Variants in LCT observed in about 807,000 individuals in gnomAD.
LCT encodes lactase.
LCT carries 90 observed loss-of-function variants against 173.0 expected under a neutral mutation model. That is an observed-to-expected ratio of 0.52 (90% CI 0.44 to 0.62). LCT has a LOEUF of 0.62. Ranked by LOEUF, LCT falls within the 20% of genes least tolerant of loss-of-function variation. The pLI, the probability that LCT is intolerant of heterozygous loss-of-function variation, is 0.00. For missense variants in LCT, 1,864 were observed against 2,431.4 expected (o/e 0.77, Z 4.91); for synonymous variants, 853 against 957.6 (o/e 0.89, Z 2.02).
At chr2:135,816,353 A>G (rs898141369) in intron 6 of LCT, among the ~76,000 whole-genome samples, 5 of 152,274 alleles carry the variant, frequency 3.3e-5, no homozygotes, top group African/African-American at 1.2e-4. Context: ...CAATGAGTTC[A>G]GGGTGGGTAT....
Position 135,814,696 on chromosome 2 carries a change from T to C in LCT, c.1708-1740A>G, listed in dbSNP as rs369134731. 5.9e-5 allele frequency among the ~76,000 whole-genome samples: 9 copies of C among 152,106 alleles called. No homozygotes were observed. In the East Asian group the frequency reaches 1.2e-3, roughly 20 times the overall value. ...CATGCCTGGCTAATTTTTGTATTTT[T>C]AGTAGAGACAGGGTTTCACTATGTT... is the stretch of plus-strand genomic sequence containing the variant. On this transcript the variant is annotated intron_variant, in intron 6 of 16. Coordinates refer to ENST00000264162, the MANE Select transcript of LCT (RefSeq NM_002299.4).
At position 135,831,439 on chromosome 2, in the gene LCT, C is replaced by T. The variant is rs138381871; in HGVS notation, c.720+1672G>A. On this transcript the variant is annotated intron_variant, in intron 2 of 16. Transcript: ENST00000264162. ...CACTGGAGGGTCCTGTGGGATTCGT[C>T]CCACTCGGAAGTGTGGCTTCCCAGC... 9.5e-3 allele frequency among the ~76,000 whole-genome samples: 1,442 copies of T among 152,214 alleles called. 21 individuals carry two copies. The highest frequency in any genetic ancestry group is 0.058 in the Middle Eastern group (17 of 294).
At chr2:135,824,992 CAAA>C (rs5834449) in intron 3 of LCT, among the ~76,000 whole-genome samples, 14 of 110,152 alleles carry the variant, frequency 1.3e-4, no homozygotes, top group Admixed American at 1.8e-4. Flanking sequence ...GGCTCCATCT[CAAA>C]AAAAAAAAAA....
At chr2:135,827,576 G>T (rs1004750802) in intron 3 of LCT, among the ~76,000 whole-genome samples, 3 of 152,060 alleles carry the variant, frequency 2.0e-5, no homozygotes, top group African/African-American at 7.2e-5. Flanking sequence ...AGGTAGGGGG[G>T]ATGATGGGGA....
At position 135,836,899 on chromosome 2, in the gene LCT, G is replaced by C; in HGVS notation, c.271C>G (p.Leu91Val). Residue 91 changes from leucine to valine, a missense_variant, in exon 1 of 17, where the codon CTG (leucine) becomes GTG (valine). By Grantham distance (32) the Leu-to-Val change is conservative. This residue lies in a region of LCT where 412 missense variants were observed against 462.0 expected (regional missense o/e 0.89). Coordinates refer to ENST00000264162, the MANE Select transcript of LCT (RefSeq NM_002299.4). ...ASQITHYKVF[L>V]SWAQLLPAGS... Reference sequence around the variant, plus strand: ...GCTGGGAGGAGCTGTGCCCATGACAGAAATACCTTATAATGGGTGATCTGA... The same window carrying C: ...GCTGGGAGGAGCTGTGCCCATGACACAAATACCTTATAATGGGTGATCTGA... 6.2e-7 allele frequency: 1 copy of C among 1,614,204 alleles called. No individual in the cohort carries two copies. The highest frequency in any genetic ancestry group is 8.5e-7 in the Non-Finnish European group (1 of 1,180,030).
At chr2:135,803,870 C>T (rs2077647037) in intron 11 of LCT, 60 bp downstream of exon 11, 1 of 1,494,944 alleles carries the variant, frequency 6.7e-7, no homozygotes, top group Non-Finnish European at 9.2e-7. Context: ...TGGATTTCAA[C>T]TCTTGATGTG....
At chr2:135,817,250 C>T (rs1303867067) in intron 6 of LCT, 91 bp downstream of exon 6, 6 of 1,442,886 alleles carry the variant, frequency 4.2e-6, no homozygotes, top group African/African-American at 1.4e-5. Context: ...AAAGTAAAGG[C>T]TTGCTGATGG....
Position 135,808,491 on chromosome 2 carries a change from T to C in LCT, c.3856A>G (p.Thr1286Ala), listed in dbSNP as rs1360050756. The C allele has an allele frequency of 6.2e-7, 1 of 1,614,104 alleles. No individual in the cohort carries two copies. Among genetic ancestry groups the C allele is most frequent in the African/African-American group, 1.3e-5 (1 of 74,958 alleles). Residue 1286 changes from threonine (T) to alanine (A), a missense_variant, in exon 8 of 17, where the codon ACT (threonine) becomes GCT (alanine). Physicochemically the swap from Thr to Ala is moderately conservative, Grantham distance 58 (BLOSUM62 0). Coordinates refer to ENST00000264162, the MANE Select transcript of LCT (RefSeq NM_002299.4). ...GTTTTGTGGTAAAATATCCTATCAG[T>C]ATCCTCCGTGTTCGGATTGGTCAGC... is the stretch of plus-strand genomic sequence containing the variant. ...VGLTNPNTED[T>A]DRIFYHKTYI...
intron 11 of LCT, among the ~76,000 whole-genome samples, chr2:135,801,164 C>T (rs934501657): frequency 3.9e-5 from 6 of 152,032 alleles, no homozygotes; most frequent in South Asian, 2.1e-4. Flanking sequence ...GTGGCTCGTA[C>T]GTCTCAGGCA....
At chr2:135,831,445 C>T (rs187608342) in intron 2 of LCT, among the ~76,000 whole-genome samples, 186 of 152,172 alleles carry the variant, frequency 1.2e-3, no homozygotes, top group African/African-American at 4.0e-3. Flanking sequence ...TCGTCCCACT[C>T]GGAAGTGTGG....
At position 135,807,079 on chromosome 2, in the gene LCT, A is replaced by G. The variant is rs1243971335; in HGVS notation, c.4173+49T>C. 2.5e-6 allele frequency: 4 copies of G among 1,599,878 alleles called. No individual in the cohort carries two copies. In the Admixed American group the frequency reaches 6.7e-5, roughly 27 times the overall value. On this transcript the variant is annotated intron_variant, in intron 9 of 16. Transcript: ENST00000264162. ...CCCAGCACTGAGCCCAGAGCCTGGC[A>G]CAGGGCAGGTGTGCAGTCACTGGTG...
intron 1 of LCT, 52 bp downstream of exon 1, chr2:135,836,477 AG>A: frequency 6.6e-7 from 1 of 1,517,754 alleles, no homozygotes; most frequent in Non-Finnish European, 9.2e-7. Flanking sequence ...AGGATGGGGA[AG>A]GTGTGTGATG....
intron 6 of LCT, 41 bp downstream of exon 6, chr2:135,817,300 T>C (rs914883898): frequency 3.1e-6 from 5 of 1,601,184 alleles, no homozygotes; most frequent in Non-Finnish European, 4.3e-6. Context: ...GCCAATGTCC[T>C]TTCTCCTCCA....
intron 11 of LCT, 61 bp from the exon 12 acceptor site, chr2:135,800,870 T>C: frequency 3.8e-6 from 5 of 1,329,930 alleles, no homozygotes; most frequent in Non-Finnish European, 5.4e-6. Context: ...CTGAGATTGT[T>C]AGTCCCTGCC....
Position 135,818,078 on chromosome 2 carries a change from A to T in LCT, c.987-17T>A, listed in dbSNP as rs771104223. 6.2e-7 allele frequency: 1 copy of T among 1,612,950 alleles called. No individual in the cohort carries two copies. Among genetic ancestry groups the T allele is most frequent in the Non-Finnish European group, 8.5e-7 (1 of 1,180,010 alleles). On this transcript the variant is annotated splice_polypyrimidine_tract_variant and intron_variant, in intron 5 of 16. Coordinates refer to ENST00000264162, the MANE Select transcript of LCT (RefSeq NM_002299.4). ...CAAGACATGCTGCAGGATTGAAGGG[A>T]CAAAAAGGGACATAATAATGAATGA...
At position 135,787,999 on chromosome 2, in the gene LCT, C is replaced by G. The variant is rs62170085; in HGVS notation, c.*325G>C. 5,702 of 364,086 alleles carry G rather than the reference C, an allele frequency of 0.016. 79 individuals are homozygous for G. Among genetic ancestry groups the G allele is most frequent in the South Asian group, 0.031 (1,174 of 38,414 alleles). The allele number at this position is 364,086 out of a possible 1,614,324, so 22.6% of individuals were successfully genotyped here. ...TTACGGTTTTTGCTCCCTTAACAAC[C>G]CTTAACAACTCTGAAACTTAAAACA... is the stretch of plus-strand genomic sequence containing the variant. On this transcript the variant is annotated 3_prime_UTR_variant, in exon 17 of 17. Coordinates refer to ENST00000264162, the MANE Select transcript of LCT (RefSeq NM_002299.4).
In LCT at chr2:135,809,648, T is replaced by G; in HGVS notation, c.2699A>C (p.His900Pro). Residue 900 changes from histidine (H) to proline (P), a missense_variant, in exon 8 of 17, where the codon CAC becomes CCC. By Grantham distance (77) the His-to-Pro change is moderately conservative (BLOSUM62 -2). This residue lies in a region of LCT where 755 missense variants were observed against 926.3 expected (regional missense o/e 0.82). Coordinates refer to ENST00000264162, the MANE Select transcript of LCT (RefSeq NM_002299.4). The surrounding 1 kb of genome is among the most constrained non-coding windows in gnomAD (Gnocchi z 5.5). The stretch of plus-strand genomic sequence containing the variant: ...CAGAAAGTCATCCCGAAACGTCCCG[T>G]GGTAGAACAAATCTCTTTCGAACTT... Reference protein sequence around the residue: ...QPKFERDLFYHGTFRDDFLWG... With the variant: ...QPKFERDLFYPGTFRDDFLWG... 6.2e-7 allele frequency: 1 copy of G among 1,614,228 alleles called. No homozygotes were observed. The highest frequency in any genetic ancestry group is 8.5e-7 in the Non-Finnish European group (1 of 1,180,040).
At chr2:135,789,852 C>T (rs2077520422) in intron 15 of LCT, 54 bp from the exon 16 acceptor site, 1 of 1,468,798 alleles carries the variant, frequency 6.8e-7, no homozygotes, top group Non-Finnish European at 9.5e-7. Context: ...AGGCAGCTTC[C>T]TGCCAGGCCT....
intron 1 of LCT, among the ~76,000 whole-genome samples, chr2:135,835,921 A>G (rs1679334724): frequency 6.8e-6 from 1 of 147,460 alleles, no homozygotes; most frequent in East Asian, 2.0e-4. Context: ...CAGAAAGACA[A>G]TCAGTGCTTG....
Sources: allele counts gnomAD v4.1 joint callset (sites outside exome capture counted in the v4.1 genomes callset), GRCh38; gene constraint gnomAD v4.1.1; regional missense constraint gnomAD v4.1.1; non-coding constraint Gnocchi (gnomAD v3.1); transcripts MANE v1.5; gene names NCBI Gene and HGNC (gene_info 2026-07-23, HGNC 2026-07-21).